Variants in CCDC175 observed in about 807,000 individuals in gnomAD.
CCDC175 encodes coiled-coil domain containing 175.
A neutral mutation model predicts 114.6 loss-of-function variants in CCDC175; 100 were observed. The ratio of observed to expected loss-of-function variants is 0.87; its 90% CI spans 0.74 to 1.03. The LOEUF (loss-of-function observed/expected upper bound fraction) is 1.03. Among genes scored for constraint, CCDC175 ranks in the 50% least tolerant of loss-of-function variants. CCDC175 has a pLI of 0.00. For missense variants in CCDC175, 880 were observed against 917.8 expected (o/e 0.96, Z 0.53); for synonymous variants, 306 against 308.7 (o/e 0.99, Z 0.09).
intron 17 of CCDC175, among the ~76,000 whole-genome samples, chr14:59,513,563 T>C (rs1300149751): frequency 3.3e-5 from 5 of 152,184 alleles, no homozygotes; most frequent in African/African-American, 1.2e-4. Flanking sequence ...GGAGCCTCAC[T>C]CATTGCTAGC....
chr14:59,518,842 C>T (rs572957593), intron 17 of CCDC175, among the ~76,000 whole-genome samples: 1 of 152,142 alleles, frequency 6.6e-6, no homozygotes, highest in African/African-American at 2.4e-5. Context: ...GATTATAAAT[C>T]ATGCTGCTAT....
intron 19 of CCDC175, among the ~76,000 whole-genome samples, chr14:59,506,100 T>C (rs925066679): frequency 1.3e-5 from 2 of 152,096 alleles, no homozygotes; most frequent in African/African-American, 2.4e-5. Flanking sequence ...GTTTTCTTGA[T>C]TAATTTGGGT....
intron 16 of CCDC175, among the ~76,000 whole-genome samples, chr14:59,522,045 A>C (rs184873230): frequency 1.6e-3 from 240 of 152,372 alleles, no homozygotes; most frequent in Middle Eastern, 6.8e-3. Flanking sequence ...CCAGACTGGC[A>C]TTCAGTGTAA....
intron 7 of CCDC175, among the ~76,000 whole-genome samples, chr14:59,556,229 A>T (rs1365735311): frequency 1.3e-5 from 2 of 152,234 alleles, no homozygotes; most frequent in African/African-American, 4.8e-5. Context: ...GGCTACAGTA[A>T]CCAAAACAGC....
chr14:59,562,437 T>C (rs1896275565), intron 6 of CCDC175, among the ~76,000 whole-genome samples: 1 of 152,224 alleles, frequency 6.6e-6, no homozygotes, highest in Non-Finnish European at 1.5e-5. Context: ...CCTCATTTAA[T>C]CTTTACAAAA....
At position 59,568,233 on chromosome 14, in the gene CCDC175, A is replaced by G. The variant is rs370100432; in HGVS notation, c.491+12T>C. The G allele has an allele frequency of 2.7e-5, 41 of 1,521,924 alleles. No individual in the cohort carries two copies. Among genetic ancestry groups the G allele is most frequent in the African/African-American group, 5.6e-5 (4 of 71,580 alleles). 94.3% of individuals were successfully genotyped at this position (1,521,924 alleles called of 1,614,324 possible). On this transcript the variant is annotated intron_variant, in intron 4 of 19. Coordinates refer to ENST00000537690, the MANE Select transcript of CCDC175 (RefSeq NM_001164399.2). The stretch of plus-strand genomic sequence containing the variant: ...CCCTGCTCCCTCAAATACTGAATAT[A>G]AGAATACCTACCCCAGAGCTTCATT...
intron 7 of CCDC175, among the ~76,000 whole-genome samples, chr14:59,556,734 T>C (rs1484827870): frequency 6.6e-6 from 1 of 151,994 alleles, no homozygotes; most frequent in Non-Finnish European, 1.5e-5. Context: ...CTATCTAATA[T>C]CCAGAATCTA....
intron 7 of CCDC175, among the ~76,000 whole-genome samples, chr14:59,556,342 CA>C (rs1044008150): frequency 6.6e-6 from 1 of 151,972 alleles, no homozygotes; most frequent in Non-Finnish European, 1.5e-5. Flanking sequence ...ACAAACCTGA[CA>C]AAAAGAGGAA....
At position 59,565,224 on chromosome 14, in the gene CCDC175, G is replaced by A; in HGVS notation, c.543C>T (p.Leu181=). The part of the protein sequence containing the change: ...ARKHARFVLS[L]NQTMEKKATT... ...TGGCTTTTTTCTCCATAGTTTGGTT[G>A]AGTGACAGGACAAACCTTGCATGCT... The change falls in exon 5 of 20, where the codon CTC becomes CTT. Residue 181 remains leucine (L), a synonymous_variant. Transcript: ENST00000537690. The A allele has an allele frequency of 6.5e-7, 1 of 1,537,748 alleles. No homozygotes were observed. Among genetic ancestry groups the A allele is most frequent in the South Asian group, 1.2e-5 (1 of 84,060 alleles).
intron 3 of CCDC175, among the ~76,000 whole-genome samples, chr14:59,568,615 T>A (rs568427633): frequency 6.6e-6 from 1 of 152,294 alleles, no homozygotes; most frequent in African/African-American, 2.4e-5. Context: ...AGGTGCAGTC[T>A]GATAGTGCCT....
At chr14:59,562,918 T>C (rs942864400) in intron 6 of CCDC175, among the ~76,000 whole-genome samples, 1 of 152,212 alleles carries the variant, frequency 6.6e-6, no homozygotes, top group African/African-American at 2.4e-5. Flanking sequence ...ATTTTATTAA[T>C]GCTTTGTAAT....
intron 13 of CCDC175, among the ~76,000 whole-genome samples, chr14:59,535,159 T>A (rs933520613): frequency 1.4e-4 from 21 of 152,124 alleles, no homozygotes; most frequent in African/African-American, 5.1e-4. Context: ...GGAAATTGGG[T>A]TATTGCTATA....
At chr14:59,507,368 C>T (rs1892489055) in intron 19 of CCDC175, among the ~76,000 whole-genome samples, 1 of 152,218 alleles carries the variant, frequency 6.6e-6, no homozygotes, top group Non-Finnish European at 1.5e-5. Context: ...TTGTTTCTCA[C>T]AGGGTATGCA....
chr14:59,556,784 C>A (rs1895925328), intron 7 of CCDC175, among the ~76,000 whole-genome samples: 1 of 152,118 alleles, frequency 6.6e-6, no homozygotes, highest in Non-Finnish European at 1.5e-5. Flanking sequence ...AAACAAACAA[C>A]ACCATCAAAA....
chr14:59,548,014 C>T (rs1472139696), intron 8 of CCDC175, among the ~76,000 whole-genome samples: 5 of 152,148 alleles, frequency 3.3e-5, no homozygotes, highest in African/African-American at 1.2e-4. Flanking sequence ...ATGTTCATTG[C>T]AGCACTATTC....
intron 17 of CCDC175, among the ~76,000 whole-genome samples, chr14:59,516,016 C>T (rs1893059619): frequency 6.6e-6 from 1 of 152,220 alleles, no homozygotes; most frequent in Non-Finnish European, 1.5e-5. Flanking sequence ...AAGAAACTCA[C>T]TCAAAATCGC....
At chr14:59,550,347 C>T (rs965306128) in intron 8 of CCDC175, among the ~76,000 whole-genome samples, 7 of 152,064 alleles carry the variant, frequency 4.6e-5, no homozygotes, top group African/African-American at 1.7e-4. Flanking sequence ...CTAATGAAGG[C>T]TTCATTGAAT....
In CCDC175 at chr14:59,538,801, C is replaced by G; in HGVS notation, c.1395G>C (p.Lys465Asn). Residue 465 changes from lysine to asparagine, a missense_variant, in exon 12 of 20, where the codon AAG becomes AAC. Physicochemically the swap from Lys to Asn is moderately conservative, Grantham distance 94 (BLOSUM62 0). Coordinates refer to ENST00000537690, the MANE Select transcript of CCDC175 (RefSeq NM_001164399.2). ...TQWKMACLRKKHARWTAKIKA... is the reference protein window; with the variant it reads ...TQWKMACLRKNHARWTAKIKA... The stretch of plus-strand genomic sequence containing the variant: ...TTATCTTGGCTGTCCAACGTGCATG[C>G]TTTTTTCTCAAGCAAGCCATTTTCC... 1 of 1,536,768 alleles carries G rather than the reference C, an allele frequency of 6.5e-7. No individual in the cohort carries two copies. Among genetic ancestry groups the G allele is most frequent in the Non-Finnish European group, 8.7e-7 (1 of 1,146,706 alleles).
intron 8 of CCDC175, among the ~76,000 whole-genome samples, chr14:59,550,586 G>A (rs1213106479): frequency 1.3e-5 from 2 of 152,052 alleles, no homozygotes; most frequent in African/African-American, 4.8e-5. Context: ...AGTTTATTAA[G>A]GAGTATTAAC....
Sources: allele counts gnomAD v4.1 joint callset (sites outside exome capture counted in the v4.1 genomes callset), GRCh38; gene constraint gnomAD v4.1.1; transcripts MANE v1.5; gene names NCBI Gene and HGNC (gene_info 2026-07-23, HGNC 2026-07-21).